DPH1: variants seen among roughly 807,000 people sequenced by gnomAD.
DPH1 encodes the protein diphthamide biosynthesis 1, also known as 2-(3-amino-3-carboxypropyl)histidine synthase subunit 1.
DPH1 carries 59 observed loss-of-function variants against 55.3 expected under a neutral mutation model. That is an observed-to-expected ratio of 1.07 (90% CI 0.87 to 1.33). The LOEUF (loss-of-function observed/expected upper bound fraction) is 1.33. Ranked by LOEUF, DPH1 falls within the 40% of genes most tolerant of loss-of-function variation. The pLI is 0.00. For synonymous variants in DPH1, 238 were observed against 235.5 expected, an observed-to-expected ratio of 1.01 and a Z score of -0.10; for missense variants, 628 against 584.8, an observed-to-expected ratio of 1.07 and a Z score of -0.76.
In DPH1 at chr17:2,033,442, A is replaced by G. The variant is rs748369789; in HGVS notation, c.62-63A>G. 8 of 1,611,038 alleles carry G rather than the reference A, an allele frequency of 5.0e-6. No homozygotes were observed. In the South Asian group the frequency reaches 6.6e-5, roughly 13 times the overall value. On this transcript the variant is annotated intron_variant, in intron 1 of 12. Transcript: ENST00000263083. ...CGGCAGGCCCTGAAAAGGGATCCCT[A>G]TTCCATCTCAATCTGGCTTCAGCCA...
intron 3 of DPH1, among the ~76,000 whole-genome samples, chr17:2,034,574 C>A (rs1161214781): frequency 1.1e-5 from 1 of 87,848 alleles, no homozygotes; most frequent in Admixed American, 1.1e-4. Flanking sequence ...CACCCTCCCT[C>A]CCCTGCTCCC....
chr17:2,036,455 A>G lies in DPH1; in HGVS notation c.401-74A>G, dbSNP rs1292374949. 1 of 1,577,652 alleles carries G rather than the reference A, an allele frequency of 6.3e-7. No individual in the cohort carries two copies. Among genetic ancestry groups the G allele is most frequent in the Admixed American group, 1.7e-5 (1 of 58,494 alleles). On this transcript the variant is annotated intron_variant, in intron 4 of 12. Transcript: ENST00000263083. The surrounding 1 kb of genome is among the most constrained non-coding windows in gnomAD (Gnocchi z 4.8). ...CTGAAGCCACTGCGCCTGGCTGCTCAGAGACCTGAGCCTGGCCGGGCCCTC... is the reference window on the plus strand; with the variant it reads ...CTGAAGCCACTGCGCCTGGCTGCTCGGAGACCTGAGCCTGGCCGGGCCCTC...
rs181803178 is a variant in DPH1, at chr17:2,033,556, A to C, written c.113A>C (p.Lys38Thr). Residue 38 changes from lysine (K) to threonine (T), a missense_variant, in exon 2 of 13, where the codon AAG becomes ACG. Physicochemically the swap from Lys to Thr is moderately conservative, Grantham distance 78. Transcript: ENST00000263083. ...AATCAGATCCCCCCTGAGATCCTGA[A>C]GAACCCTCAGCTGCAGGCAGCAATC... ...VANQIPPEIL[K>T]NPQLQAAIRV... The C allele has an allele frequency of 4.6e-5, 75 of 1,614,204 alleles. No homozygotes were observed. The East Asian group carries it at 1.6e-3, about 34-fold the overall frequency.
In DPH1 at chr17:2,030,162, G is replaced by A; in HGVS notation, c.-8G>A. On this transcript the variant is annotated 5_prime_UTR_variant, in exon 1 of 13. Transcript: ENST00000263083. ...CTGTCTTTTTAGTACCACATGCGCA[G>A]GCAGGTGATGGCGGCGCTGGTCGTA... is the stretch of plus-strand genomic sequence containing the variant. 2 of 1,602,544 alleles carry A rather than the reference G, an allele frequency of 1.2e-6. No homozygotes were observed. The highest frequency in any genetic ancestry group is 1.7e-6 in the Non-Finnish European group (2 of 1,175,508).
In DPH1 at chr17:2,036,997, C is replaced by T. The variant is rs758879294; in HGVS notation, c.680+41C>T. 1.6e-5 allele frequency: 26 copies of T among 1,589,588 alleles called. No homozygotes were observed. In the South Asian group the frequency reaches 2.3e-4, roughly 14 times the overall value. On this transcript the variant is annotated intron_variant, in intron 6 of 12. Coordinates refer to ENST00000263083, the MANE Select transcript of DPH1 (RefSeq NM_001383.6). This position sits in a 1 kb window ranked among gnomAD's most constrained non-coding sequence, Gnocchi z 4.8. ...GGGCCAAGTAAGTCCTAGAGACATGCGTGTACCCTGGGAGGGAGCCTGAGG... is the reference window on the plus strand; with the variant it reads ...GGGCCAAGTAAGTCCTAGAGACATGTGTGTACCCTGGGAGGGAGCCTGAGG...
Position 2,043,355 on chromosome 17 carries a change from T to TA in DPH1, c.*770dup, listed in dbSNP as rs762606299. The stretch of plus-strand genomic sequence containing the variant: ...TGAATATGGTTGGAGAGCCCTGGAT[T>TA]AGGAGGGTGACATGGGGAAGGCAGA... On this transcript the variant is annotated 3_prime_UTR_variant, in exon 13 of 13. Coordinates refer to ENST00000263083, the MANE Select transcript of DPH1 (RefSeq NM_001383.6). 1 of 463,954 alleles carries TA rather than the reference T, an allele frequency of 2.2e-6. No homozygotes were observed. Among genetic ancestry groups the TA allele is most frequent in the Non-Finnish European group, 3.8e-6 (1 of 263,944 alleles). 28.7% of individuals were successfully genotyped at this position (463,954 alleles called of 1,614,324 possible).
At chr17:2,041,243 G>A (rs1308633611) in intron 10 of DPH1, 62 bp downstream of exon 10, 1 of 1,547,564 alleles carries the variant, frequency 6.5e-7, no homozygotes, top group East Asian at 2.4e-5. Flanking sequence ...GAGGTCTGGA[G>A]TGGAGTGGGG....
chr17:2,041,958 C>A, intron 12 of DPH1, 83 bp downstream of exon 12: 1 of 1,516,628 alleles, frequency 6.6e-7, no homozygotes, highest in Non-Finnish European at 8.8e-7. Context: ...GCCCTCGGGG[C>A]GGTGCTGACG....
rs368312190 is a variant in DPH1 at position 2,041,789 on chromosome 17, C to A, written c.1249C>A (p.Pro417Thr). 2.5e-4 allele frequency: 397 copies of A among 1,606,286 alleles called. 2 individuals carry two copies. In the African/African-American group the frequency reaches 4.3e-3, roughly 17 times the overall value. The stretch of plus-strand genomic sequence containing the variant: ...TCAGGTGCAGGAGGGGTCCGCGCGT[C>A]CCCCTTCGGCCGTGGCTTGCGAGGA... Reference protein sequence around the residue: ...RGKVQEGSARPPSAVACEDCS... With the variant: ...RGKVQEGSARTPSAVACEDCS... The change falls in exon 12 of 13, where the codon CCC becomes ACC. Residue 417 changes from proline (P) to threonine (T), a missense_variant. Coordinates refer to ENST00000263083, the MANE Select transcript of DPH1 (RefSeq NM_001383.6).
chr17:2,036,063 C>G lies in DPH1; in HGVS notation c.372C>G (p.Phe124Leu). 1 of 1,613,976 alleles carries G rather than the reference C, an allele frequency of 6.2e-7. No homozygotes were observed. The highest frequency in any genetic ancestry group is 1.1e-5 in the South Asian group (1 of 91,092). ...DFTARALGADFLVHYGHSCLI... is the reference protein window; with the variant it reads ...DFTARALGADLLVHYGHSCLI... ...CAGCGAGGGCCCTGGGAGCTGACTT[C>G]TTGGTGCACTACGGCCACAGTTGCC... is the stretch of plus-strand genomic sequence containing the variant. Residue 124 changes from phenylalanine (F) to leucine (L), a missense_variant, in exon 4 of 13, where the codon TTC becomes TTG. Phe to Leu is a conservative substitution (Grantham distance 22). Transcript: ENST00000263083. The surrounding 1 kb of genome is among the most constrained non-coding windows in gnomAD (Gnocchi z 4.8).
At chr17:2,034,221 C>T (rs1359413609) in intron 3 of DPH1, among the ~76,000 whole-genome samples, 1 of 152,028 alleles carries the variant, frequency 6.6e-6, no homozygotes, top group African/African-American at 2.4e-5. Flanking sequence ...CGGTGGGGGG[C>T]ACCTGTTCCT....
In DPH1 at chr17:2,042,599, CT is replaced by C; in HGVS notation, c.*19-5del. 1 of 1,514,500 alleles carries C rather than the reference CT, an allele frequency of 6.6e-7. No homozygotes were observed. The highest frequency in any genetic ancestry group is 2.3e-5 in the East Asian group (1 of 43,994). 93.8% of individuals were successfully genotyped at this position (1,514,500 alleles called of 1,614,324 possible). A position where few individuals can be genotyped will look rare whatever the true frequency, so the allele number is the denominator to read the frequency against. ...AATCCCATCCTTTTTCCTCATATCG[CT>C]GTAGGGTCCTGCCCTCCGGAGGAGC... On this transcript the variant is annotated splice_region_variant and splice_polypyrimidine_tract_variant and intron_variant, in intron 12 of 12. Transcript: ENST00000263083.
chr17:2,037,033 A>C, intron 6 of DPH1, 77 bp downstream of exon 6: 2 of 1,541,940 alleles, frequency 1.3e-6, no homozygotes, highest in Non-Finnish European at 1.7e-6. Flanking sequence ...TTCATCATCC[A>C]GGAAAGAAAC....
At chr17:2,031,412 A>G (rs1377146322) in intron 1 of DPH1, among the ~76,000 whole-genome samples, 1 of 151,614 alleles carries the variant, frequency 6.6e-6, no homozygotes, top group African/African-American at 2.4e-5. Flanking sequence ...AAATACAAAA[A>G]TTAGCCGCGT....
chr17:2,035,639 G>A (rs760602221), intron 3 of DPH1, among the ~76,000 whole-genome samples: 2 of 152,080 alleles, frequency 1.3e-5, no homozygotes, highest in African/African-American at 2.4e-5. Flanking sequence ...GCGTGCTCAC[G>A]GCTCTGGGTG....
chr17:2,032,224 G>T (rs924926246), intron 1 of DPH1, among the ~76,000 whole-genome samples: 1 of 152,076 alleles, frequency 6.6e-6, no homozygotes, highest in Non-Finnish European at 1.5e-5. Flanking sequence ...GGAGAGGGGG[G>T]ACATTCTCCC....
chr17:2,035,928 C>A, intron 3 of DPH1, 42 bp from the exon 4 acceptor site: 1 of 1,612,638 alleles, frequency 6.2e-7, no homozygotes. Flanking sequence ...TACCTCAGTC[C>A]CTGTGTCCCT....
chr17:2,041,697 C>T (rs2067527993), intron 11 of DPH1, 71 bp from the exon 12 acceptor site: 1 of 1,577,140 alleles, frequency 6.3e-7, no homozygotes, highest in Non-Finnish European at 8.6e-7. Flanking sequence ...CGACGGGAAA[C>T]GCACAGGAGC....
chr17:2,036,740 C>T lies in DPH1; in HGVS notation c.558+54C>T. On this transcript the variant is annotated intron_variant, in intron 5 of 12. Coordinates refer to ENST00000263083, the MANE Select transcript of DPH1 (RefSeq NM_001383.6). This position sits in a 1 kb window ranked among gnomAD's most constrained non-coding sequence, Gnocchi z 4.8. ...TGCAGGGTGGACAGCGGCCACTCTC[C>T]AGCTGTTGCGGGATCCCCAGGTGCT... 1.9e-6 allele frequency: 3 copies of T among 1,610,378 alleles called. No individual in the cohort carries two copies. Among genetic ancestry groups the T allele is most frequent in the Non-Finnish European group, 2.5e-6 (3 of 1,177,650 alleles).
Sources: allele counts gnomAD v4.1 joint callset (sites outside exome capture counted in the v4.1 genomes callset), GRCh38; gene constraint gnomAD v4.1.1; non-coding constraint Gnocchi (gnomAD v3.1); transcripts MANE v1.5; gene names NCBI Gene and HGNC (gene_info 2026-07-23, HGNC 2026-07-21).